ZCCHC7: variants seen among roughly 807,000 people sequenced by gnomAD.
ZCCHC7 encodes the protein zinc finger CCHC-type containing 7.
In ZCCHC7, 35 loss-of-function variants were observed where a neutral mutation model predicts 52.0. The observed-to-expected ratio is 0.67, with a 90% confidence interval of 0.51 to 0.89. The LOEUF (loss-of-function observed/expected upper bound fraction) is 0.89, where lower values mean the gene tolerates loss of function less well. Among genes scored for constraint, ZCCHC7 ranks in the 40% least tolerant of loss-of-function variants. The pLI is 0.00. For synonymous variants in ZCCHC7, 217 were observed against 221.5 expected, an observed-to-expected ratio of 0.98 and a Z score of 0.18; for missense variants, 574 against 649.1, an observed-to-expected ratio of 0.88 and a Z score of 1.26.
intron 1 of ZCCHC7, among the ~76,000 whole-genome samples, chr9:37,121,429 A>C (rs1050823103): frequency 6.6e-6 from 1 of 152,168 alleles, no homozygotes; most frequent in Non-Finnish European, 1.5e-5. Context: ...GTTCAATTTG[A>C]TGACTTTTCA....
At chr9:37,356,168 A>G (rs768233014) in intron 8 of ZCCHC7, among the ~76,000 whole-genome samples, 2 of 152,184 alleles carry the variant, frequency 1.3e-5, no homozygotes, top group African/African-American at 2.4e-5. Context: ...TAAAGATTCT[A>G]TTGACTGCTA....
intron 6 of ZCCHC7, among the ~76,000 whole-genome samples, chr9:37,330,474 A>G (rs1830410433): frequency 6.6e-6 from 1 of 151,590 alleles, no homozygotes; most frequent in South Asian, 2.1e-4. Context: ...ATCTGGTGAC[A>G]CCATCTTTCT....
intron 1 of ZCCHC7, among the ~76,000 whole-genome samples, chr9:37,123,203 G>A (rs930838272): frequency 2.4e-5 from 3 of 126,214 alleles, no homozygotes; most frequent in South Asian, 2.7e-4. Flanking sequence ...GTGTGTGTGT[G>A]TGTGTGTGTG....
chr9:37,256,063 AT>A (rs1276129663), intron 2 of ZCCHC7, among the ~76,000 whole-genome samples: 1 of 152,136 alleles, frequency 6.6e-6, no homozygotes, highest in Non-Finnish European at 1.5e-5. Context: ...TGTTTCCAGC[AT>A]TTACCTGATG....
At chr9:37,269,118 A>G (rs571850086) in intron 2 of ZCCHC7, among the ~76,000 whole-genome samples, 1 of 152,320 alleles carries the variant, frequency 6.6e-6, no homozygotes, top group South Asian at 2.1e-4. Context: ...TGCTGTCCTG[A>G]AGGTAGGCCA....
chr9:37,278,110 C>T (rs968024721), intron 2 of ZCCHC7, among the ~76,000 whole-genome samples: 1 of 147,432 alleles, frequency 6.8e-6, no homozygotes, highest in Non-Finnish European at 1.5e-5. Context: ...GTGCAGTGAC[C>T]ATTTACAGGC....
At chr9:37,336,180 T>C (rs1830641991) in intron 6 of ZCCHC7, among the ~76,000 whole-genome samples, 1 of 152,280 alleles carries the variant, frequency 6.6e-6, no homozygotes, top group African/African-American at 2.4e-5. Flanking sequence ...CCAGCCTGAT[T>C]TCATAGCAAA....
chr9:37,317,536 A>G (rs1258990313), intron 5 of ZCCHC7, among the ~76,000 whole-genome samples: 3 of 152,160 alleles, frequency 2.0e-5, no homozygotes, highest in African/African-American at 7.2e-5. Flanking sequence ...ACATGGTGAG[A>G]GTTCATCTCA....
rs1469908980 is a variant in ZCCHC7 at position 37,251,219 on chromosome 9, C to T, written c.611-50969C>T. Among the ~76,000 whole-genome samples the T allele has an allele frequency of 2.6e-4, 40 of 151,734 alleles. 2 individuals carry two copies. Among genetic ancestry groups the T allele is most frequent in the Admixed American group, 2.6e-3 (40 of 15,240 alleles). On this transcript the variant is annotated intron_variant, in intron 2 of 8. Coordinates refer to ENST00000336755, the MANE Select transcript of ZCCHC7 (RefSeq NM_032226.3). The stretch of plus-strand genomic sequence containing the variant: ...TTATTTCATTTCTCATTTTTTTCAG[C>T]AATCTTTCCTGTCCTCAACTATGTT...
intron 2 of ZCCHC7, among the ~76,000 whole-genome samples, chr9:37,186,086 A>G (rs1050487032): frequency 5.3e-5 from 8 of 151,852 alleles, no homozygotes; most frequent in Admixed American, 4.6e-4. Flanking sequence ...TCACACTGGG[A>G]TTTTGTGGGG....
intron 2 of ZCCHC7, among the ~76,000 whole-genome samples, chr9:37,169,921 G>C (rs756616024): frequency 6.6e-5 from 10 of 151,908 alleles, no homozygotes; most frequent in Non-Finnish European, 1.2e-4. Flanking sequence ...CAAAAGATAG[G>C]GCTTGGTGGC....
At position 37,126,425 on chromosome 9, in the gene ZCCHC7, G is replaced by A. The variant is rs537604824; in HGVS notation, c.93G>A (p.Val31=). ...SSSELSVDSE[V]EFQLYSQIHY... is the part of the protein sequence containing the mutation. ...GTGAACTGAGTGTTGATAGTGAGGT[G>A]GAATTTCAACTCTATAGCCAAATTC... Residue 31 remains valine (V), a synonymous_variant, in exon 2 of 9, where the codon GTG becomes GTA. Coordinates refer to ENST00000336755, the MANE Select transcript of ZCCHC7 (RefSeq NM_032226.3). The A allele has an allele frequency of 3.7e-6, 6 of 1,613,894 alleles. No individual in the cohort carries two copies. In the African/African-American group the frequency reaches 6.7e-5, roughly 18 times the overall value.
chr9:37,182,146 G>T (rs1367003534), intron 2 of ZCCHC7, among the ~76,000 whole-genome samples: 1 of 152,186 alleles, frequency 6.6e-6, no homozygotes, highest in Non-Finnish European at 1.5e-5. Flanking sequence ...GACTGAAAAT[G>T]TTGACAGGGA....
At chr9:37,301,201 T>G (rs1474487683) in intron 2 of ZCCHC7, among the ~76,000 whole-genome samples, 3 of 152,258 alleles carry the variant, frequency 2.0e-5, no homozygotes, top group African/African-American at 7.2e-5. Context: ...GCCTGCAAGT[T>G]AACTGATACT....
At chr9:37,269,934 A>G (rs1012656976) in intron 2 of ZCCHC7, among the ~76,000 whole-genome samples, 2 of 152,146 alleles carry the variant, frequency 1.3e-5, no homozygotes, top group African/African-American at 4.8e-5. Flanking sequence ...TCTGTGAATC[A>G]CAAGCATAGA....
chr9:37,332,357 AT>A (rs35042921), intron 6 of ZCCHC7, among the ~76,000 whole-genome samples: 30,492 of 149,928 alleles, frequency 0.2, 3,327 homozygotes, highest in Non-Finnish European at 0.25. Context: ...GAATAACAAG[AT>A]TTTTTTTTTG....
intron 2 of ZCCHC7, among the ~76,000 whole-genome samples, chr9:37,225,408 C>A (rs1564189927): frequency 6.6e-6 from 1 of 152,078 alleles, no homozygotes; most frequent in Admixed American, 6.6e-5. Context: ...ACAAACTCTT[C>A]CAGAATATAT....
intron 5 of ZCCHC7, chr9:37,327,589 C>T (rs1260349943): frequency 4.4e-6 from 2 of 458,562 alleles, no homozygotes. Flanking sequence ...TTGTTACTGG[C>T]TTTCTGACAA....
chr9:37,285,370 T>G (rs1387078673), intron 2 of ZCCHC7, among the ~76,000 whole-genome samples: 1 of 152,198 alleles, frequency 6.6e-6, no homozygotes, highest in Non-Finnish European at 1.5e-5. Context: ...CTCTTTTATC[T>G]TGAGATGGTA....
Sources: gnomAD v4.1 joint callset for allele counts (sites outside exome capture counted in the v4.1 genomes callset) on GRCh38, gnomAD v4.1.1 for gene constraint, MANE v1.5 for transcripts, NCBI Gene and HGNC (gene_info 2026-07-23, HGNC 2026-07-21) for gene names.